RSU1: variants seen among roughly 807,000 people sequenced by gnomAD.
RSU1 encodes Ras suppressor protein 1, also known as rsu-1.
RSU1 carries 26 observed loss-of-function variants against 31.1 expected under a neutral mutation model. That is an observed-to-expected ratio of 0.84 (90% CI 0.61 to 1.16). The LOEUF is 1.16. Ranked by LOEUF, RSU1 falls within the 50% of genes most tolerant of loss-of-function variation. The pLI is 0.00. For missense variants in RSU1, 320 were observed against 339.1 expected (o/e 0.94, Z 0.44); for synonymous variants, 164 against 136.3 (o/e 1.20, Z -1.41).
intron 8 of RSU1, among the ~76,000 whole-genome samples, chr10:16,624,203 C>T (rs576154596): frequency 1.4e-5 from 2 of 141,152 alleles, no homozygotes; most frequent in East Asian, 3.9e-4. Flanking sequence ...GCCAAGCTTG[C>T]ACATGTGTGT....
At chr10:16,726,832 C>T (rs1287329478) in intron 7 of RSU1, among the ~76,000 whole-genome samples, 1 of 152,022 alleles carries the variant, frequency 6.6e-6, no homozygotes, top group African/African-American at 2.4e-5. Context: ...AAAAATGGAC[C>T]TCTTTATTTA....
intron 2 of RSU1, among the ~76,000 whole-genome samples, chr10:16,785,440 A>G (rs1207293929): frequency 1.5e-5 from 2 of 132,448 alleles, no homozygotes; most frequent in Non-Finnish European, 3.0e-5. Context: ...ATATATATAT[A>G]CACATATATA....
intron 2 of RSU1, among the ~76,000 whole-genome samples, chr10:16,789,096 G>T (rs929243667): frequency 8.5e-5 from 13 of 152,208 alleles, no homozygotes; most frequent in Admixed American, 1.3e-4. Flanking sequence ...CACAAGCTCA[G>T]GTTCACGAGG....
At position 16,817,310 on chromosome 10, in the gene RSU1, C is replaced by G; in HGVS notation, c.-4+5G>C. On this transcript the variant is annotated splice_donor_5th_base_variant and intron_variant, in intron 1 of 8. Transcript: ENST00000345264. ...AACCCCAAGTGCAACACCGCACACACTCACCACGGAAGGTAGCCCCTAAGA... is the reference window on the plus strand; with the variant it reads ...AACCCCAAGTGCAACACCGCACACAGTCACCACGGAAGGTAGCCCCTAAGA... The G allele has an allele frequency of 1.9e-6, 1 of 537,888 alleles. No individual in the cohort carries two copies. Among genetic ancestry groups the G allele is most frequent in the Middle Eastern group, 5.0e-4 (1 of 1,986 alleles). The allele number at this position is 537,888 out of a possible 1,614,324, so 33.3% of individuals were successfully genotyped here.
chr10:16,639,900 G>A (rs560368173), intron 8 of RSU1, among the ~76,000 whole-genome samples: 6 of 152,246 alleles, frequency 3.9e-5, no homozygotes, highest in South Asian at 4.2e-4. Flanking sequence ...TCTCACCAGC[G>A]AGCTTCAAAT....
At chr10:16,696,616 G>C (rs77737971) in intron 7 of RSU1, among the ~76,000 whole-genome samples, 15 of 152,142 alleles carry the variant, frequency 9.9e-5, no homozygotes, top group Non-Finnish European at 1.9e-4. Flanking sequence ...AAAATAAGCA[G>C]ATCCATTTCT....
intron 8 of RSU1, among the ~76,000 whole-genome samples, chr10:16,610,671 T>C (rs746231892): frequency 6.6e-6 from 1 of 152,214 alleles, no homozygotes; most frequent in African/African-American, 2.4e-5. Flanking sequence ...TTGTGTATTA[T>C]GGTGTACTGT....
chr10:16,785,578 C>A (rs1311730289), intron 2 of RSU1, among the ~76,000 whole-genome samples: 1 of 150,902 alleles, frequency 6.6e-6, no homozygotes, highest in African/African-American at 2.4e-5. Flanking sequence ...ATGGTGCTAA[C>A]CCATTTATGA....
intron 8 of RSU1, among the ~76,000 whole-genome samples, chr10:16,660,730 TC>T (rs944958975): frequency 2.7e-5 from 4 of 146,914 alleles, no homozygotes; most frequent in Non-Finnish European, 6.0e-5. Context: ...CACTGCAACT[TC>T]CACTTCCTGG....
chr10:16,732,285 A>G (rs527685066), intron 7 of RSU1, among the ~76,000 whole-genome samples: 4 of 152,232 alleles, frequency 2.6e-5, no homozygotes, highest in African/African-American at 7.2e-5. Flanking sequence ...TCTCACCTCT[A>G]CTTCCTGTGG....
chr10:16,623,278 A>C (rs776470500), intron 8 of RSU1, among the ~76,000 whole-genome samples: 1 of 152,210 alleles, frequency 6.6e-6, no homozygotes, highest in Non-Finnish European at 1.5e-5. Context: ...AGGTGAGAAC[A>C]TGCAGTAATC....
chr10:16,618,248 A>G (rs1287322372), intron 8 of RSU1, among the ~76,000 whole-genome samples: 2 of 152,228 alleles, frequency 1.3e-5, no homozygotes, highest in East Asian at 3.8e-4. Flanking sequence ...ACTGGTCATT[A>G]GAGAATGCAA....
intron 2 of RSU1, among the ~76,000 whole-genome samples, chr10:16,802,462 C>T (rs1338874393): frequency 1.3e-5 from 2 of 151,898 alleles, no homozygotes; most frequent in Non-Finnish European, 2.9e-5. Context: ...AGCACTATGC[C>T]CAGATAGGTT....
intron 8 of RSU1, among the ~76,000 whole-genome samples, chr10:16,680,667 T>C (rs7085992): frequency 0.66 from 100,176 of 151,920 alleles, 33,318 homozygotes; most frequent in East Asian, 0.84. Flanking sequence ...AGATCTTGTG[T>C]GAACTCAGAG....
chr10:16,782,056 G>A lies in RSU1; in HGVS notation c.138C>T (p.Val46=). 11 of 1,612,622 alleles carry A rather than the reference G, an allele frequency of 6.8e-6. No homozygotes were observed. Among genetic ancestry groups the A allele is most frequent in the Non-Finnish European group, 9.3e-6 (11 of 1,179,542 alleles). Residue 46 remains valine, a synonymous_variant, in exon 3 of 9, where the codon GTC becomes GTT. Coordinates refer to ENST00000345264, the MANE Select transcript of RSU1 (RefSeq NM_012425.4). The stretch of plus-strand genomic sequence containing the variant: ...TACTTGTTAGCTTGTTATGGCTGAG[G>A]ACCAGTTGTGTGATATGGGATAAGG... The part of the protein sequence containing the change: ...LFTLSHITQL[V]LSHNKLTMVP...
At chr10:16,644,893 C>T (rs541866668) in intron 8 of RSU1, among the ~76,000 whole-genome samples, 3 of 152,106 alleles carry the variant, frequency 2.0e-5, no homozygotes, top group Non-Finnish European at 2.9e-5. Context: ...TCTGCAATCA[C>T]CTATTTTTTC....
At chr10:16,780,519 A>G (rs1837629081) in intron 3 of RSU1, among the ~76,000 whole-genome samples, 1 of 152,204 alleles carries the variant, frequency 6.6e-6, no homozygotes, top group Non-Finnish European at 1.5e-5. Flanking sequence ...CTGGGATTAC[A>G]GGCATCGGTC....
chr10:16,754,880 A>T lies in RSU1; in HGVS notation c.391T>A (p.Phe131Ile). The change falls in exon 5 of 9, where the codon TTC becomes ATC. Residue 131 changes from phenylalanine to isoleucine, a missense_variant. Physicochemically the swap from Phe to Ile is conservative, Grantham distance 21. Coordinates refer to ENST00000345264, the MANE Select transcript of RSU1 (RefSeq NM_012425.4). Reference protein sequence around the residue: ...LSENSLPGNFFYLTTLRALYL... With the variant: ...LSENSLPGNFIYLTTLRALYL... ...ATTGAAAGTTTCTTACTCAGGTAGAAGAAGTTTCCAGGAAGAGAATTTTCG... is the reference window on the plus strand; with the variant it reads ...ATTGAAAGTTTCTTACTCAGGTAGATGAAGTTTCCAGGAAGAGAATTTTCG... 1 of 1,598,864 alleles carries T rather than the reference A, an allele frequency of 6.3e-7. No individual in the cohort carries two copies. The highest frequency in any genetic ancestry group is 8.6e-7 in the Non-Finnish European group (1 of 1,167,146).
At chr10:16,772,923 T>C (rs1370161024) in intron 3 of RSU1, among the ~76,000 whole-genome samples, 1 of 152,172 alleles carries the variant, frequency 6.6e-6, no homozygotes, top group Non-Finnish European at 1.5e-5. Context: ...AGAATTAATC[T>C]AGGCTGGGAG....
Sources: allele counts gnomAD v4.1 joint callset (sites outside exome capture counted in the v4.1 genomes callset), GRCh38; gene constraint gnomAD v4.1.1; transcripts MANE v1.5; gene names NCBI Gene and HGNC (gene_info 2026-07-23, HGNC 2026-07-21).